The following ASAH1 variants were observed in gnomAD, a reference collection of about 807,000 sequenced individuals.
ASAH1 encodes the protein acid ceramidase.
In ASAH1, 70 loss-of-function variants were observed where a neutral mutation model predicts 59.5. The observed-to-expected ratio is 1.18, with a 90% confidence interval of 0.97 to 1.43. The LOEUF (loss-of-function observed/expected upper bound fraction) is 1.43, where lower values mean the gene tolerates loss of function less well. ASAH1 is among the 40% of genes most tolerant of loss of function. The pLI, the probability that ASAH1 is intolerant of heterozygous loss-of-function variation, is 0.00. For synonymous variants in ASAH1, 213 were observed against 166.5 expected (o/e 1.28, Z -2.15); for missense variants, 660 against 482.5 (o/e 1.37, Z -3.45).
At chr8:18,061,503 T>A (rs374928712) in intron 9 of ASAH1, 45 bp from the exon 10 acceptor site, 7 of 1,540,712 alleles carry the variant, frequency 4.5e-6, no homozygotes, top group Non-Finnish European at 6.3e-6. Context: ...GAGGTGACAC[T>A]ATGTAACCAG....
intron 1 of ASAH1, among the ~76,000 whole-genome samples, chr8:18,082,785 T>C (rs1265882393): frequency 6.6e-6 from 1 of 152,166 alleles, no homozygotes; most frequent in East Asian, 1.9e-4. Context: ...CAGCTTATGG[T>C]GTGTTCCTGG....
Position 18,064,456 on chromosome 8 carries a change from C to A in ASAH1, c.457+1G>T. Reference sequence around the variant, plus strand: ...CCCACCCTCCCTCAGCGCACAATTACCTTTTTTGTCTTCTGCTACTATTGA... The same window carrying A: ...CCCACCCTCCCTCAGCGCACAATTAACTTTTTTGTCTTCTGCTACTATTGA... On this transcript the variant is annotated splice_donor_variant, in intron 6 of 13. Transcript: ENST00000637790. LOFTEE classifies it high-confidence loss of function. The A allele has an allele frequency of 6.4e-7, 1 of 1,552,694 alleles. No homozygotes were observed. Among genetic ancestry groups the A allele is most frequent in the South Asian group, 1.1e-5 (1 of 89,256 alleles).
intron 1 of ASAH1, chr8:18,083,105 C>G (rs1444928221): frequency 6.6e-6 from 1 of 152,174 alleles, no homozygotes; most frequent in Non-Finnish European, 1.5e-5. Flanking sequence ...ATCTTGCTTC[C>G]ACTTTCAATA....
chr8:18,064,414 T>C (rs755426766), intron 6 of ASAH1, 43 bp downstream of exon 6: 5 of 1,400,802 alleles, frequency 3.6e-6, no homozygotes, highest in Non-Finnish European at 5.0e-6. Context: ...TTTTTCTTTA[T>C]GTAGTGCTTC....
At chr8:18,080,978 G>T (rs1800627949) in intron 1 of ASAH1, among the ~76,000 whole-genome samples, 1 of 152,056 alleles carries the variant, frequency 6.6e-6, no homozygotes, top group Non-Finnish European at 1.5e-5. Context: ...AAGTTCATCT[G>T]CTCCAAGGGC....
At chr8:18,078,777 A>G (rs962174631) in intron 1 of ASAH1, among the ~76,000 whole-genome samples, 2 of 152,202 alleles carry the variant, frequency 1.3e-5, no homozygotes, top group African/African-American at 4.8e-5. Flanking sequence ...AGATGATAAG[A>G]AGAGAGATTA....
intron 5 of ASAH1, chr8:18,064,854 A>C: frequency 3.9e-6 from 1 of 259,650 alleles, no homozygotes; most frequent in Non-Finnish European, 7.4e-6. Flanking sequence ...TGATCATTTA[A>C]TACATCTGGC....
At position 18,077,040 on chromosome 8, in the gene ASAH1, G is replaced by T. The variant is rs181418913; in HGVS notation, c.79-1453C>A. ...CAGTAATAGTGGCTGGGGGCAGCTC[G>T]TTTAGAAAAACTTCAGTCTCAACTG... On this transcript the variant is annotated intron_variant, in intron 1 of 13. Transcript: ENST00000637790. Among the ~76,000 whole-genome samples, 3 of 152,234 alleles carry T rather than the reference G, an allele frequency of 2.0e-5. No homozygotes were observed. In the South Asian group the frequency reaches 6.2e-4, roughly 32 times the overall value.
upstream of ASAH1, chr8:18,084,805 G>T: frequency 6.2e-7 from 1 of 1,613,276 alleles, no homozygotes; most frequent in East Asian, 2.2e-5. Flanking sequence ...AGTTCATTAA[G>T]CGGCTGTGTT....
chr8:18,061,655 T>C, intron 9 of ASAH1, 31 bp downstream of exon 9: 1 of 1,576,710 alleles, frequency 6.3e-7, no homozygotes, highest in Non-Finnish European at 8.6e-7. Flanking sequence ...AGCTCTGAGA[T>C]TCCCATTTCA....
rs1006967017 is a variant in ASAH1, at chr8:18,071,493, G to A, written c.126-103C>T. ...TATGAGAGGCAAAGTCTTAACAGCAGTGTAGAATTTGGTTACCCAAACCAA... is the reference window on the plus strand; with the variant it reads ...TATGAGAGGCAAAGTCTTAACAGCAATGTAGAATTTGGTTACCCAAACCAA... On this transcript the variant is annotated intron_variant, in intron 2 of 13. Transcript: ENST00000637790. The A allele has an allele frequency of 3.7e-6, 3 of 806,400 alleles. No individual in the cohort carries two copies. The Admixed American group carries it at 6.3e-5, about 17-fold the overall frequency. The allele number at this position is 806,400 out of a possible 1,614,324, so 50.0% of individuals were successfully genotyped here.
At chr8:18,064,795 A>G in intron 5 of ASAH1, 3 of 392,710 alleles carry the variant, frequency 7.6e-6, no homozygotes, top group South Asian at 9.0e-5. Context: ...CACATCCAAA[A>G]TGTTTATCAA....
chr8:18,062,516 A>C (rs1588979055), intron 7 of ASAH1, 93 bp from the exon 8 acceptor site: 1 of 1,363,882 alleles, frequency 7.3e-7, no homozygotes, highest in East Asian at 2.3e-5. Flanking sequence ...TAGGAGCTTT[A>C]TTTACCGAGT....
rs77288125 is a variant in ASAH1, at chr8:18,080,145, T to A, written c.78+3836A>T. Among the ~76,000 whole-genome samples, 231 of 152,242 alleles carry A rather than the reference T, an allele frequency of 1.5e-3. 2 individuals are homozygous for A. Among genetic ancestry groups the A allele is most frequent in the African/African-American group, 5.3e-3 (222 of 41,532 alleles). On this transcript the variant is annotated intron_variant, in intron 1 of 13. Transcript: ENST00000637790. ...CAATAAATTCCTAGGCCAGATGGGG[T>A]CTATGAGATTTCTGGCAACTGCGTG...
intron 5 of ASAH1, 79 bp downstream of exon 5, chr8:18,067,141 G>GGA: frequency 4.3e-6 from 5 of 1,163,078 alleles, no homozygotes; most frequent in Non-Finnish European, 4.9e-6. Context: ...CACCTGTGCT[G>GGA]TATGTATATC....
At chr8:18,075,699 T>A in intron 1 of ASAH1, 112 bp from the exon 2 acceptor site, 1 of 950,202 alleles carries the variant, frequency 1.1e-6, no homozygotes, top group Non-Finnish European at 1.7e-6. Flanking sequence ...ATATTGCTCT[T>A]TTATACGTTT....
intron 1 of ASAH1, among the ~76,000 whole-genome samples, chr8:18,080,414 C>T (rs1420233316): frequency 6.6e-6 from 1 of 152,194 alleles, no homozygotes. Context: ...AAGCTGTTTT[C>T]TGCCCCCAAC....
chr8:18,060,646 C>A (rs1459898573), intron 10 of ASAH1: 4 of 152,224 alleles, frequency 2.6e-5, no homozygotes, highest in Non-Finnish European at 5.9e-5. Context: ...TTTATTTGGA[C>A]GCAGTGCTGG....
chr8:18,058,676 A>G, intron 13 of ASAH1, 159 bp downstream of exon 13: 1 of 658,368 alleles, frequency 1.5e-6, no homozygotes, highest in Non-Finnish European at 2.7e-6. Flanking sequence ...GTATTCCAAA[A>G]TACAGTTTTA....
Sources: gnomAD v4.1 joint callset for allele counts (sites outside exome capture counted in the v4.1 genomes callset) on GRCh38, gnomAD v4.1.1 for gene constraint, MANE v1.5 for transcripts, NCBI Gene and HGNC (gene_info 2026-07-23, HGNC 2026-07-21) for gene names.